The following LAMA1 variants were observed in gnomAD, a reference collection of about 807,000 sequenced individuals.
The protein encoded by LAMA1 is laminin subunit alpha 1.
LAMA1 carries 219 observed loss-of-function variants against 348.7 expected under a neutral mutation model. The ratio of observed to expected loss-of-function variants is 0.63; its 90% confidence interval spans 0.56 to 0.70. LAMA1 has a LOEUF of 0.70. Among genes scored for constraint, LAMA1 ranks in the 30% least tolerant of loss-of-function variants. The pLI is 0.00. For synonymous variants in LAMA1, 1,487 were observed against 1,491.0 expected (o/e 1.00, Z 0.06); for missense variants, 3,744 against 3,888.0 (o/e 0.96, Z 0.99).
At chr18:6,987,941 C>A (rs567620810) in intron 36 of LAMA1, among the ~76,000 whole-genome samples, 1 of 152,204 alleles carries the variant, frequency 6.6e-6, no homozygotes, top group Admixed American at 6.5e-5. Flanking sequence ...AATAAGATAT[C>A]TCTCTAAGAA....
Position 6,980,546 on chromosome 18 carries a change from G to A in LAMA1, c.5982C>T (p.Leu1994=). The change falls in exon 42 of 63, where the codon CTC becomes CTT. Residue 1994 remains leucine, a synonymous_variant. Coordinates refer to ENST00000389658, the MANE Select transcript of LAMA1 (RefSeq NM_005559.4). ...VEITRQTNES[L]LILRAIPKGI... The stretch of plus-strand genomic sequence containing the variant: ...CTTTAGGAATTGCTCTAAGTATCAA[G>A]AGTGATTCATTGGTTTGCCTGGTAA... 6.2e-7 allele frequency: 1 copy of A among 1,609,718 alleles called. No homozygotes were observed. The highest frequency in any genetic ancestry group is 8.5e-7 in the Non-Finnish European group (1 of 1,176,060).
intron 48 of LAMA1, among the ~76,000 whole-genome samples, chr18:6,971,196 T>C (rs2057656719): frequency 6.6e-6 from 1 of 152,188 alleles, no homozygotes; most frequent in Admixed American, 6.5e-5. Context: ...GGAGTTGCAG[T>C]TATTTTGTTA....
rs772262434 is a variant in LAMA1 at position 7,044,748 on chromosome 18, G to A, written c.950C>T (p.Thr317Ile). The A allele has an allele frequency of 1.2e-6, 2 of 1,614,074 alleles. No individual in the cohort carries two copies. The highest frequency in any genetic ancestry group is 1.1e-5 in the South Asian group (1 of 91,072). ...TTCACATGTATTGCCGGAGGACACG[G>A]TTCCCGGCCTCCAGGGCTGCTGATG... is the stretch of plus-strand genomic sequence containing the variant. ...GYHQQPWRPG[T>I]VSSGNTCEAC... Residue 317 changes from threonine to isoleucine, a missense_variant, in exon 7 of 63, where the codon ACC becomes ATC. By Grantham distance (89) the Thr-to-Ile change is moderately conservative (BLOSUM62 -1). This residue lies in a region of LAMA1 where 1,529 missense variants were observed against 1,689.4 expected (regional missense o/e 0.91). Transcript: ENST00000389658.
intron 61 of LAMA1, among the ~76,000 whole-genome samples, chr18:6,946,261 G>C (rs2057520935): frequency 6.6e-6 from 1 of 152,080 alleles, no homozygotes. Flanking sequence ...GTGAAAAGCT[G>C]ATCTCATAAG....
chr18:7,001,844 A>T (rs1048619950), intron 30 of LAMA1, among the ~76,000 whole-genome samples: 43 of 152,326 alleles, frequency 2.8e-4, no homozygotes, highest in African/African-American at 1.0e-3. Flanking sequence ...GTGGTATTTC[A>T]GCACTTAGGC....
Position 7,038,652 on chromosome 18 carries a change from G to A in LAMA1, c.1563+158C>T, listed in dbSNP as rs897464968. 9.7e-6 allele frequency: 9 copies of A among 928,726 alleles called. No individual in the cohort carries two copies. The African/African-American group carries it at 1.1e-4, about 12-fold the overall frequency. 57.5% of individuals were successfully genotyped at this position (928,726 alleles called of 1,614,324 possible). ...GCACATGACCTATAAAGAATCTTGA[G>A]AGGCAGACGGCTGCCTTTGACCCAC... is the stretch of plus-strand genomic sequence containing the variant. On this transcript the variant is annotated intron_variant, in intron 11 of 62. Coordinates refer to ENST00000389658, the MANE Select transcript of LAMA1 (RefSeq NM_005559.4).
chr18:7,036,062 T>A lies in LAMA1; in HGVS notation c.1764A>T (p.Lys588Asn). The change falls in exon 13 of 63, where the codon AAA becomes AAT. Residue 588 changes from lysine to asparagine, a missense_variant. By Grantham distance (94) the Lys-to-Asn change is moderately conservative. This residue lies in a region of LAMA1 where 1,529 missense variants were observed against 1,689.4 expected (regional missense o/e 0.91). Transcript: ENST00000389658. Reference sequence around the variant, plus strand: ...CCGGAATATCGTAGGACACCGTGTATTTCAGGAATCCGCCAAACGCAGTCA... The same window carrying A: ...CCGGAATATCGTAGGACACCGTGTAATTCAGGAATCCGCCAAACGCAGTCA... The part of the protein sequence containing the change: ...NKLTAFGGFL[K>N]YTVSYDIPVE... The A allele has an allele frequency of 6.2e-7, 1 of 1,614,168 alleles. No individual in the cohort carries two copies. The highest frequency in any genetic ancestry group is 1.3e-5 in the African/African-American group (1 of 75,046).
intron 57 of LAMA1, among the ~76,000 whole-genome samples, chr18:6,952,537 C>T (rs1401123658): frequency 1.3e-5 from 2 of 152,190 alleles, no homozygotes; most frequent in African/African-American, 4.8e-5. Context: ...TACAGCAGTC[C>T]CTTCTTATTT....
chr18:7,079,131 T>A (rs1248279536), intron 3 of LAMA1, among the ~76,000 whole-genome samples: 1 of 152,234 alleles, frequency 6.6e-6, no homozygotes, highest in Non-Finnish European at 1.5e-5. Flanking sequence ...TTGTGTCTTT[T>A]AACCGATCTC....
intron 1 of LAMA1, among the ~76,000 whole-genome samples, chr18:7,087,080 T>A: frequency 6.6e-6 from 1 of 152,216 alleles, no homozygotes; most frequent in East Asian, 1.9e-4. Context: ...TCTTTGTGCG[T>A]CGGACTGAAG....
At chr18:6,958,754 G>A in intron 54 of LAMA1, 92 bp from the exon 55 acceptor site, 1 of 1,122,258 alleles carries the variant, frequency 8.9e-7, no homozygotes, top group South Asian at 1.3e-5. Context: ...AGTTCTCACT[G>A]AATAATAAAA....
At position 6,942,220 on chromosome 18, in the gene LAMA1, G is replaced by C. The variant is rs1471102366; in HGVS notation, c.9087C>G (p.Cys3029Trp). The C allele has an allele frequency of 6.2e-7, 1 of 1,614,054 alleles. No individual in the cohort carries two copies. Among genetic ancestry groups the C allele is most frequent in the Admixed American group, 1.7e-5 (1 of 60,014 alleles). Residue 3029 changes from cysteine (C) to tryptophan (W), a missense_variant, in exon 63 of 63, where the codon TGC (cysteine) becomes TGG (tryptophan). Cys to Trp is a radical substitution (Grantham distance 215). Coordinates refer to ENST00000389658, the MANE Select transcript of LAMA1 (RefSeq NM_005559.4). ...CGCGGAACGAGGTCTGGCTGCGCAG[G>C]CATTTTTGCTTCACACCAGCTGTTC... ...GGYPAGVKQK[C>W]LRSQTSFRGC...
At chr18:6,971,574 T>C (rs2057658483) in intron 48 of LAMA1, among the ~76,000 whole-genome samples, 1 of 152,164 alleles carries the variant, frequency 6.6e-6, no homozygotes, top group Non-Finnish European at 1.5e-5. Flanking sequence ...GGGTTAAAAA[T>C]GATACCTGTG....
intron 19 of LAMA1, among the ~76,000 whole-genome samples, chr18:7,021,269 C>T (rs2057914215): frequency 6.6e-6 from 1 of 152,198 alleles, no homozygotes; most frequent in Non-Finnish European, 1.5e-5. Flanking sequence ...CATTCATCGC[C>T]TTGACCTTCA....
At chr18:6,987,623 TTTTAA>T (rs1248287298) in intron 36 of LAMA1, among the ~76,000 whole-genome samples, 1 of 152,192 alleles carries the variant, frequency 6.6e-6, no homozygotes, top group African/African-American at 2.4e-5. Flanking sequence ...TAACTCTTCA[TTTTAA>T]TTTGTCAGGA....
At chr18:6,950,647 T>A in intron 58 of LAMA1, 135 bp downstream of exon 58, 1 of 1,016,068 alleles carries the variant, frequency 9.8e-7, no homozygotes, top group Non-Finnish European at 1.5e-6. Context: ...ACTTGTAGTC[T>A]CTGGGGGAGA....
intron 53 of LAMA1, 47 bp downstream of exon 53, chr18:6,961,539 G>A (rs371949177): frequency 9.3e-6 from 15 of 1,607,228 alleles, no homozygotes; most frequent in Admixed American, 3.3e-5. Context: ...ATTGTTTCCC[G>A]AAGTAATTTC....
intron 19 of LAMA1, among the ~76,000 whole-genome samples, chr18:7,021,854 ATATATAT>A (rs1054196717): frequency 1.1e-4 from 7 of 66,604 alleles, no homozygotes; most frequent in Non-Finnish European, 2.1e-4. Flanking sequence ...ATATTATATT[ATATATAT>A]TATATATTAG....
intron 1 of LAMA1, among the ~76,000 whole-genome samples, chr18:7,099,611 T>G (rs1293968423): frequency 6.6e-6 from 1 of 151,932 alleles, no homozygotes; most frequent in Non-Finnish European, 1.5e-5. Context: ...ACCTAAGATC[T>G]TGGATTAGGC....
Sources: allele counts gnomAD v4.1 joint callset (sites outside exome capture counted in the v4.1 genomes callset), GRCh38; gene constraint gnomAD v4.1.1; regional missense constraint gnomAD v4.1.1; transcripts MANE v1.5; gene names NCBI Gene and HGNC (gene_info 2026-07-23, HGNC 2026-07-21).